ROBO1: variants seen among roughly 807,000 people sequenced by gnomAD.
The protein encoded by ROBO1 is roundabout guidance receptor 1.
ROBO1 carries 149 observed loss-of-function variants against 195.9 expected under a neutral mutation model. The observed-to-expected ratio is 0.76, with a 90% CI of 0.67 to 0.87. ROBO1 has a LOEUF of 0.87. ROBO1 is among the 40% of genes least tolerant of loss of function. The probability of loss-of-function intolerance (pLI) is 0.00; values close to 1 mark genes in which losing one functional copy is unlikely to be tolerated. For missense variants in ROBO1, 1,933 were observed against 2,068.3 expected, an observed-to-expected ratio of 0.93 and a Z score of 1.27; for synonymous variants, 816 against 733.2, an observed-to-expected ratio of 1.11 and a Z score of -1.82.
intron 1 of ROBO1, among the ~76,000 whole-genome samples, chr3:79,618,211 G>C (rs771313846): frequency 2.6e-5 from 4 of 152,118 alleles, no homozygotes; most frequent in Non-Finnish European, 5.9e-5. Flanking sequence ...CATATCTGAT[G>C]ACATAATTTC....
At chr3:79,754,393 A>G (rs934780165) in intron 1 of ROBO1, among the ~76,000 whole-genome samples, 3 of 152,180 alleles carry the variant, frequency 2.0e-5, no homozygotes, top group African/African-American at 4.8e-5. Flanking sequence ...TCCCTGCCTT[A>G]TACAGATTGG....
intron 8 of ROBO1, among the ~76,000 whole-genome samples, chr3:78,703,373 T>C (rs953466081): frequency 2.0e-5 from 3 of 152,158 alleles, no homozygotes; most frequent in African/African-American, 7.2e-5. Flanking sequence ...TCTTGTTAAA[T>C]TCTGTAGTGG....
In ROBO1 at chr3:79,243,433, A is replaced by G. The variant is rs1423605415; in HGVS notation, c.89-117894T>C. On this transcript the variant is annotated intron_variant, in intron 2 of 30. Transcript: ENST00000464233. ...CACTGTCTTCCACAATGGTTGAACTAGTTTACAGTCCCACCAACAGTGTAA... is the reference window on the plus strand; with the variant it reads ...CACTGTCTTCCACAATGGTTGAACTGGTTTACAGTCCCACCAACAGTGTAA... 4.6e-5 allele frequency among the ~76,000 whole-genome samples: 7 copies of G among 152,136 alleles called. No homozygotes were observed. In the South Asian group the frequency reaches 8.3e-4, roughly 18 times the overall value.
intron 2 of ROBO1, among the ~76,000 whole-genome samples, chr3:79,393,835 T>C (rs2037042149): frequency 6.6e-6 from 1 of 152,210 alleles, no homozygotes; most frequent in South Asian, 2.1e-4. Flanking sequence ...GATGGATGGA[T>C]ACTTGATTTC....
chr3:79,336,927 CT>C (rs2034696446), intron 2 of ROBO1, among the ~76,000 whole-genome samples: 1 of 152,166 alleles, frequency 6.6e-6, no homozygotes, highest in Non-Finnish European at 1.5e-5. Flanking sequence ...CATTTTGTAA[CT>C]TTTTATGTTT....
At chr3:79,126,188 C>T (rs1405208247) in intron 2 of ROBO1, among the ~76,000 whole-genome samples, 3 of 152,184 alleles carry the variant, frequency 2.0e-5, no homozygotes, top group African/African-American at 7.2e-5. Context: ...GACTGAAACA[C>T]ATCTAACTTT....
At chr3:79,511,484 T>A (rs1940702449) in intron 2 of ROBO1, among the ~76,000 whole-genome samples, 1 of 152,160 alleles carries the variant, frequency 6.6e-6, no homozygotes. Flanking sequence ...TCTGTAATTT[T>A]CATCATCTTG....
chr3:78,846,875 A>C lies in ROBO1; in HGVS notation c.499+91726T>G, dbSNP rs535455933. Among the ~76,000 whole-genome samples the C allele has an allele frequency of 6.6e-5, 10 of 152,254 alleles. No individual in the cohort carries two copies. The South Asian group carries it at 2.1e-3, about 32-fold the overall frequency. ...CTTACGTTGCTTTGAAACTGGTTTG[A>C]GTTATGGGAAGGCCATAGCCTCAGA... On this transcript the variant is annotated intron_variant, in intron 4 of 30. Transcript: ENST00000464233.
chr3:79,056,493 A>G (rs1255283789), intron 3 of ROBO1, among the ~76,000 whole-genome samples: 1 of 152,134 alleles, frequency 6.6e-6, no homozygotes, highest in Non-Finnish European at 1.5e-5. Flanking sequence ...GGTGGTCGAT[A>G]AACAACGTAT....
chr3:79,513,652 G>A (rs916967403), intron 2 of ROBO1, among the ~76,000 whole-genome samples: 3 of 151,850 alleles, frequency 2.0e-5, no homozygotes, highest in Non-Finnish European at 4.4e-5. Context: ...ATGTTGCCTT[G>A]TAAGAGCCAG....
chr3:79,363,876 T>C (rs970067742), intron 2 of ROBO1, among the ~76,000 whole-genome samples: 7 of 152,188 alleles, frequency 4.6e-5, no homozygotes, highest in African/African-American at 1.4e-4. Context: ...TCAGTCATTT[T>C]TCCAAGAAGC....
At chr3:79,139,007 A>T (rs2108607107) in intron 2 of ROBO1, among the ~76,000 whole-genome samples, 1 of 151,964 alleles carries the variant, frequency 6.6e-6, no homozygotes, top group African/African-American at 2.4e-5. Context: ...AAAAAAGTAG[A>T]ATAACTATAC....
At chr3:79,216,657 C>T (rs1041285583) in intron 2 of ROBO1, among the ~76,000 whole-genome samples, 1 of 152,026 alleles carries the variant, frequency 6.6e-6, no homozygotes, top group Non-Finnish European at 1.5e-5. Flanking sequence ...TATTGTATTA[C>T]ATGATTTAGC....
At chr3:79,343,582 G>T (rs1207140765) in intron 2 of ROBO1, among the ~76,000 whole-genome samples, 1 of 152,158 alleles carries the variant, frequency 6.6e-6, no homozygotes, top group Non-Finnish European at 1.5e-5. Flanking sequence ...CATTGAGAAA[G>T]TTAGTGAGAA....
At chr3:79,062,033 G>A (rs1323962241) in intron 3 of ROBO1, among the ~76,000 whole-genome samples, 2 of 151,774 alleles carry the variant, frequency 1.3e-5, no homozygotes, top group African/African-American at 2.4e-5. Flanking sequence ...TTCTGCACAG[G>A]AAAATCAAGT....
intron 3 of ROBO1, among the ~76,000 whole-genome samples, chr3:79,079,461 A>G (rs540834156): frequency 7.9e-5 from 12 of 151,994 alleles, no homozygotes; most frequent in Non-Finnish European, 1.3e-4. Flanking sequence ...AATTAAAAAC[A>G]GTTACGAGTG....
At chr3:78,713,345 C>T (rs1489111401) in intron 8 of ROBO1, among the ~76,000 whole-genome samples, 1 of 152,044 alleles carries the variant, frequency 6.6e-6, no homozygotes, top group Non-Finnish European at 1.5e-5. Flanking sequence ...CCCTCAAAAG[C>T]CACCTTTTTT....
intron 2 of ROBO1, among the ~76,000 whole-genome samples, chr3:79,565,431 A>G (rs115722728): frequency 0.017 from 2,564 of 152,090 alleles, 47 homozygotes; most frequent in Middle Eastern, 0.078. Context: ...AAGAAATTAA[A>G]TAATCAGTAA....
At chr3:79,297,078 A>C (rs1175329127) in intron 2 of ROBO1, among the ~76,000 whole-genome samples, 1 of 152,226 alleles carries the variant, frequency 6.6e-6, no homozygotes, top group East Asian at 1.9e-4. Context: ...TGATTACGTT[A>C]TTTTCAAATA....
Sources: gnomAD v4.1 joint callset for allele counts (sites outside exome capture counted in the v4.1 genomes callset) on GRCh38, gnomAD v4.1.1 for gene constraint, MANE v1.5 for transcripts, NCBI Gene and HGNC (gene_info 2026-07-23, HGNC 2026-07-21) for gene names.